Variants in PCDH9 observed in about 807,000 individuals in gnomAD.
PCDH9 encodes protocadherin 9, also known as protocadherin-9.
Under a neutral mutation model 70.6 loss-of-function variants are expected in PCDH9, and 24 were observed. The ratio of observed to expected loss-of-function variants is 0.34; its 90% CI spans 0.25 to 0.48. The LOEUF (loss-of-function observed/expected upper bound fraction) is 0.48. PCDH9 is among the 20% of genes least tolerant of loss of function. The pLI, the probability that PCDH9 is intolerant of heterozygous loss-of-function variation, is 0.99. For synonymous variants in PCDH9, 562 were observed against 558.5 expected (o/e 1.01, Z -0.09); for missense variants, 1,281 against 1,503.6 (o/e 0.85, Z 2.45).
At chr13:66,778,671 TA>T (rs1309785702) in intron 3 of PCDH9, among the ~76,000 whole-genome samples, 1 of 152,202 alleles carries the variant, frequency 6.6e-6, no homozygotes, top group Non-Finnish European at 1.5e-5. Flanking sequence ...ACAAATGCTC[TA>T]AAATATTATT....
intron 4 of PCDH9, among the ~76,000 whole-genome samples, chr13:66,370,326 A>G (rs890506493): frequency 3.9e-5 from 6 of 152,000 alleles, no homozygotes; most frequent in Non-Finnish European, 7.4e-5. Context: ...GCAAATACAG[A>G]TGGCTAATTA....
chr13:67,098,092 A>G (rs985879733), intron 2 of PCDH9, among the ~76,000 whole-genome samples: 4 of 152,198 alleles, frequency 2.6e-5, no homozygotes. Context: ...TCACTGGGAC[A>G]CTAAAAATAG....
chr13:66,339,581 A>T (rs1272729916), intron 4 of PCDH9, among the ~76,000 whole-genome samples: 1 of 152,162 alleles, frequency 6.6e-6, no homozygotes, highest in African/African-American at 2.4e-5. Context: ...ATAATAAAAC[A>T]TTCAGAATAG....
chr13:66,824,895 C>T (rs780579585), intron 3 of PCDH9, among the ~76,000 whole-genome samples: 1 of 151,442 alleles, frequency 6.6e-6, no homozygotes, highest in African/African-American at 2.4e-5. Context: ...ATCCTCATAA[C>T]AGGAGAGATT....
chr13:66,640,743 T>C (rs1202819480), intron 3 of PCDH9, among the ~76,000 whole-genome samples: 1 of 152,230 alleles, frequency 6.6e-6, no homozygotes, highest in Non-Finnish European at 1.5e-5. Flanking sequence ...CTCTGAGAAG[T>C]ACGATTACTG....
rs182019568 is a variant in PCDH9 at position 66,634,292 on chromosome 13, G to A, written c.3139-2881C>T. On this transcript the variant is annotated intron_variant, in intron 3 of 4. Transcript: ENST00000377865. ...TTAAGAATCAGTACATGGATATTAC[G>A]GTATGAAGCAAATTGATGAAACAAA... Among the ~76,000 whole-genome samples the A allele has an allele frequency of 1.2e-3, 182 of 152,230 alleles. 2 individuals carry two copies. Among genetic ancestry groups the A allele is most frequent in the African/African-American group, 3.6e-3 (149 of 41,540 alleles).
chr13:67,055,789 C>T (rs1002776481), intron 2 of PCDH9, among the ~76,000 whole-genome samples: 1 of 152,038 alleles, frequency 6.6e-6, no homozygotes, highest in Non-Finnish European at 1.5e-5. Context: ...AGAGTGAGAC[C>T]TTGTATCCAA....
At chr13:66,449,646 G>A (rs1341322394) in intron 4 of PCDH9, among the ~76,000 whole-genome samples, 1 of 152,070 alleles carries the variant, frequency 6.6e-6, no homozygotes, top group Non-Finnish European at 1.5e-5. Flanking sequence ...ACATATAAAT[G>A]CATACATAAG....
chr13:66,782,613 A>T (rs1252380599), intron 3 of PCDH9: 1 of 152,202 alleles, frequency 6.6e-6, no homozygotes, highest in Non-Finnish European at 1.5e-5. Context: ...AGATTCAATT[A>T]ATATATTATT....
rs1281804219 is a variant in PCDH9 at position 67,225,503 on chromosome 13, G to C, written c.2938C>G (p.Leu980Val). Reference protein sequence around the residue: ...DNTFVGGCDTLSKRSSTSSDH... With the variant: ...DNTFVGGCDTVSKRSSTSSDH... ...GAACTAGTGGAAGAGCGTTTAGAAAGGGTGTCACAACCCCCAACAAAGGTG... is the reference window on the plus strand; with the variant it reads ...GAACTAGTGGAAGAGCGTTTAGAAACGGTGTCACAACCCCCAACAAAGGTG... Residue 980 changes from leucine (L) to valine (V), a missense_variant, in exon 2 of 5, where the codon CTT (leucine) becomes GTT (valine). Physicochemically the swap from Leu to Val is conservative, Grantham distance 32 (BLOSUM62 1). Around this residue, in one of 4 missense-constraint regions of PCDH9, gnomAD observed 207 missense variants for 191.8 expected, o/e 1.08. Transcript: ENST00000377865. 6.2e-7 allele frequency: 1 copy of C among 1,613,978 alleles called. No individual in the cohort carries two copies. Among genetic ancestry groups the C allele is most frequent in the Non-Finnish European group, 8.5e-7 (1 of 1,179,960 alleles).
intron 4 of PCDH9, among the ~76,000 whole-genome samples, chr13:66,531,478 G>A (rs1363394024): frequency 3.3e-5 from 5 of 151,962 alleles, no homozygotes; most frequent in African/African-American, 1.2e-4. Flanking sequence ...TAAACGGATA[G>A]TATGTTACGA....
intron 4 of PCDH9, among the ~76,000 whole-genome samples, chr13:66,601,416 G>A (rs2077163986): frequency 6.9e-6 from 1 of 145,946 alleles, no homozygotes; most frequent in African/African-American, 2.5e-5. Flanking sequence ...AGTGCAATTA[G>A]TTTGTTAGTT....
Position 67,063,456 on chromosome 13 carries a change from G to A in PCDH9, c.3037-159851C>T, listed in dbSNP as rs561610324. Among the ~76,000 whole-genome samples, 38 of 151,634 alleles carry A rather than the reference G, an allele frequency of 2.5e-4. 1 individual carries two copies. In the Middle Eastern group the frequency reaches 0.024, roughly 95 times the overall value. ...TTAATACTTACAATAACTCTTGCAG[G>A]TAGATATTATTAAAATTCCATTTAG... On this transcript the variant is annotated intron_variant, in intron 2 of 4. Coordinates refer to ENST00000377865, the MANE Select transcript of PCDH9 (RefSeq NM_203487.3).
intron 4 of PCDH9, among the ~76,000 whole-genome samples, chr13:66,575,173 C>CA (rs561913159): frequency 2.8e-4 from 41 of 145,932 alleles, no homozygotes; most frequent in Non-Finnish European, 3.3e-4. Flanking sequence ...AATTCCATCT[C>CA]AAAAAAAAAA....
intron 3 of PCDH9, among the ~76,000 whole-genome samples, chr13:66,700,495 C>G (rs191729325): frequency 6.6e-6 from 1 of 152,192 alleles, no homozygotes; most frequent in East Asian, 1.9e-4. Flanking sequence ...CAGTCTGAGC[C>G]TATTACAACT....
intron 2 of PCDH9, among the ~76,000 whole-genome samples, chr13:67,162,380 G>A (rs2087987501): frequency 6.6e-6 from 1 of 152,204 alleles, no homozygotes; most frequent in Admixed American, 6.5e-5. Flanking sequence ...CAAAATTTCA[G>A]TTGATTAAGG....
At chr13:66,572,141 A>G (rs1244209480) in intron 4 of PCDH9, among the ~76,000 whole-genome samples, 1 of 152,174 alleles carries the variant, frequency 6.6e-6, no homozygotes, top group Non-Finnish European at 1.5e-5. Flanking sequence ...ATATTTTGAT[A>G]CATTCATACA....
At chr13:66,403,613 A>G (rs1334789081) in intron 4 of PCDH9, among the ~76,000 whole-genome samples, 1 of 152,102 alleles carries the variant, frequency 6.6e-6, no homozygotes, top group Non-Finnish European at 1.5e-5. Flanking sequence ...GAGCTTTTGT[A>G]TGTGGGTTAC....
intron 3 of PCDH9, among the ~76,000 whole-genome samples, chr13:66,835,193 A>G (rs2080995385): frequency 2.0e-5 from 3 of 152,204 alleles, no homozygotes; most frequent in Admixed American, 1.3e-4. Flanking sequence ...CAGCTTTTAA[A>G]GTCTGTTTTT....
Sources: gnomAD v4.1 joint callset for allele counts (sites outside exome capture counted in the v4.1 genomes callset) on GRCh38, gnomAD v4.1.1 for gene constraint, gnomAD v4.1.1 regional missense constraint, MANE v1.5 for transcripts, NCBI Gene and HGNC (gene_info 2026-07-23, HGNC 2026-07-21) for gene names.